LMBR1: variants seen among roughly 807,000 people sequenced by gnomAD.
LMBR1 encodes limb region 1 protein homolog.
Under a neutral mutation model 73.9 loss-of-function variants are expected in LMBR1, and 52 were observed. That is an observed-to-expected ratio of 0.70 (90% CI 0.56 to 0.89). The LOEUF (loss-of-function observed/expected upper bound fraction) is 0.89. Among genes scored for constraint, LMBR1 ranks in the 40% least tolerant of loss-of-function variants. The pLI is 0.00. For synonymous variants in LMBR1, 215 were observed against 209.4 expected (o/e 1.03, Z -0.23); for missense variants, 539 against 579.8 (o/e 0.93, Z 0.72).
chr7:156,822,427 C>T (rs748375420), intron 4 of LMBR1: 4 of 152,026 alleles, frequency 2.6e-5, no homozygotes, highest in Non-Finnish European at 1.5e-5. Flanking sequence ...AATTCAAGCC[C>T]AGGTCTATCT....
intron 15 of LMBR1, among the ~76,000 whole-genome samples, chr7:156,719,838 A>C (rs1360570224): frequency 5.3e-5 from 8 of 152,236 alleles, no homozygotes; most frequent in Non-Finnish European, 1.2e-4. Flanking sequence ...AAACCTGACA[A>C]AAACAAGAAA....
At chr7:156,761,586 G>A (rs367939222) in intron 8 of LMBR1, among the ~76,000 whole-genome samples, 1 of 152,110 alleles carries the variant, frequency 6.6e-6, no homozygotes, top group Non-Finnish European at 1.5e-5. Flanking sequence ...AAATTTGCTA[G>A]AGGAATTTTT....
At position 156,826,751 on chromosome 7, in the gene LMBR1, G is replaced by A. The variant is rs748045265; in HGVS notation, c.180-7C>T. 6.3e-7 allele frequency: 1 copy of A among 1,599,036 alleles called. No homozygotes were observed. Among genetic ancestry groups the A allele is most frequent in the South Asian group, 1.1e-5 (1 of 88,618 alleles). On this transcript the variant is annotated splice_region_variant and splice_polypyrimidine_tract_variant and intron_variant, in intron 3 of 16. Coordinates refer to ENST00000353442, the MANE Select transcript of LMBR1 (RefSeq NM_022458.4). ...GAACGTGCTCAAAAACAACCTGGAA[G>A]AAAGGAGAGTCACCATCACAAGTGA... is the stretch of plus-strand genomic sequence containing the variant.
chr7:156,674,473 ACT>A (rs1803344689), downstream of LMBR1, among the ~76,000 whole-genome samples: 1 of 152,028 alleles, frequency 6.6e-6, no homozygotes, highest in Admixed American at 6.6e-5. Flanking sequence ...TTTGCTTTAC[ACT>A]CTTCACATGT....
At chr7:156,819,442 T>C (rs1449876927) in intron 4 of LMBR1, among the ~76,000 whole-genome samples, 5 of 152,214 alleles carry the variant, frequency 3.3e-5, no homozygotes, top group African/African-American at 1.2e-4. Flanking sequence ...TGCCAAAATA[T>C]TCCTAATGAT....
intron 15 of LMBR1, among the ~76,000 whole-genome samples, chr7:156,711,303 T>C (rs1585312596): frequency 6.6e-6 from 1 of 150,468 alleles, no homozygotes; most frequent in Admixed American, 6.6e-5. Flanking sequence ...AGAGCGAGAC[T>C]CTGTCTCAAA....
At chr7:156,716,464 T>A (rs1011767945) in intron 15 of LMBR1, among the ~76,000 whole-genome samples, 4 of 152,148 alleles carry the variant, frequency 2.6e-5, no homozygotes, top group African/African-American at 7.2e-5. Flanking sequence ...GAAAGAGAAT[T>A]ATAATTAGAG....
At chr7:156,816,596 A>C (rs959106599) in intron 4 of LMBR1, among the ~76,000 whole-genome samples, 6 of 152,212 alleles carry the variant, frequency 3.9e-5, no homozygotes, top group African/African-American at 1.4e-4. Context: ...CAAAATAATA[A>C]GTTTATTAGC....
At position 156,826,676 on chromosome 7, in the gene LMBR1, A is replaced by G. The variant is rs1835751435; in HGVS notation, c.248T>C (p.Ile83Thr). 6.2e-7 allele frequency: 1 copy of G among 1,610,186 alleles called. No homozygotes were observed. The highest frequency in any genetic ancestry group is 1.7e-5 in the Admixed American group (1 of 59,610). Reference protein sequence around the residue: ...GAVLLLPFSIISNEILLSFPQ... With the variant: ...GAVLLLPFSITSNEILLSFPQ... The stretch of plus-strand genomic sequence containing the variant: ...AAAAGAAAGCAGGATTTCATTGCTG[A>G]TGATTGAGAAGGGTAAAAGCAAAAC... The change falls in exon 4 of 17, where the codon ATC becomes ACC. Residue 83 changes from isoleucine (I) to threonine (T), a missense_variant. Coordinates refer to ENST00000353442, the MANE Select transcript of LMBR1 (RefSeq NM_022458.4).
chr7:156,674,691 A>C (rs1300892547), downstream of LMBR1, among the ~76,000 whole-genome samples: 2 of 152,106 alleles, frequency 1.3e-5, no homozygotes, highest in African/African-American at 4.8e-5. Flanking sequence ...CCAAACAAAA[A>C]TACCAAAAAA....
chr7:156,700,324 T>C (rs1225364745), intron 15 of LMBR1, among the ~76,000 whole-genome samples: 6 of 151,862 alleles, frequency 4.0e-5, no homozygotes, highest in South Asian at 2.1e-4. Flanking sequence ...TTCTCACTCA[T>C]AGGTGGGAAT....
intron 1 of LMBR1, among the ~76,000 whole-genome samples, chr7:156,887,060 A>G (rs1323676032): frequency 6.6e-6 from 1 of 152,240 alleles, no homozygotes; most frequent in Non-Finnish European, 1.5e-5. Flanking sequence ...GAAATCAATC[A>G]TTACTACCTG....
rs879465635 is a variant in LMBR1 at position 156,730,966 on chromosome 7, GA to G, written c.839-2247del. Among the ~76,000 whole-genome samples, 506 of 149,150 alleles carry G rather than the reference GA, an allele frequency of 3.4e-3. 9 individuals are homozygous for G. Among genetic ancestry groups the G allele is most frequent in the Admixed American group, 0.029 (435 of 15,028 alleles). ...ATAAATAAATAAATGGAAAAAGAGG[GA>G]AAAAAAAAGACAATGGAAACAGACC... On this transcript the variant is annotated intron_variant, in intron 10 of 16. Coordinates refer to ENST00000353442, the MANE Select transcript of LMBR1 (RefSeq NM_022458.4).
intron 5 of LMBR1, among the ~76,000 whole-genome samples, chr7:156,786,659 A>G (rs1828168470): frequency 6.6e-6 from 1 of 152,188 alleles, no homozygotes; most frequent in Non-Finnish European, 1.5e-5. Flanking sequence ...TGAAGTGTAA[A>G]AATGTAGAAA....
At chr7:156,843,057 C>G (rs925085955) in intron 1 of LMBR1, among the ~76,000 whole-genome samples, 2 of 152,208 alleles carry the variant, frequency 1.3e-5, no homozygotes, top group African/African-American at 2.4e-5. Context: ...AATTACACTT[C>G]ATGATTTTTG....
At chr7:156,674,223 C>A (rs1585125226), downstream of LMBR1, among the ~76,000 whole-genome samples, 1 of 152,200 alleles carries the variant, frequency 6.6e-6, no homozygotes, top group Non-Finnish European at 1.5e-5. Context: ...GCCTGTGGGG[C>A]TCGGGAACTG....
intron 4 of LMBR1, among the ~76,000 whole-genome samples, chr7:156,671,541 T>A (rs1181140271): frequency 1.3e-5 from 2 of 152,196 alleles, no homozygotes; most frequent in Non-Finnish European, 2.9e-5. Context: ...CATACGCTTG[T>A]CCATGATGCA....
intron 9 of LMBR1, among the ~76,000 whole-genome samples, chr7:156,748,673 G>A (rs1302106207): frequency 1.3e-5 from 2 of 152,058 alleles, no homozygotes; most frequent in Non-Finnish European, 2.9e-5. Context: ...ATTTTTAGTA[G>A]AGACGGTGTT....
intron 1 of LMBR1, among the ~76,000 whole-genome samples, chr7:156,846,590 T>C (rs541011860): frequency 1.3e-3 from 201 of 152,282 alleles, no homozygotes; most frequent in Non-Finnish European, 2.5e-3. Context: ...GAAGACTCAA[T>C]ATTGTCAAGA....
Sources: gnomAD v4.1 joint callset for allele counts (sites outside exome capture counted in the v4.1 genomes callset) on GRCh38, gnomAD v4.1.1 for gene constraint, MANE v1.5 for transcripts, NCBI Gene and HGNC (gene_info 2026-07-23, HGNC 2026-07-21) for gene names.